The following PPARGC1A variants were observed in gnomAD, a reference collection of about 807,000 sequenced individuals.
PPARGC1A encodes PPARG coactivator 1 alpha.
In PPARGC1A, 25 loss-of-function variants were observed where a neutral mutation model predicts 88.7. That is an observed-to-expected ratio of 0.28 (90% CI 0.21 to 0.39). PPARGC1A has a LOEUF of 0.39. PPARGC1A is among the 10% of genes least tolerant of loss of function. The pLI, the probability that PPARGC1A is intolerant of heterozygous loss-of-function variation, is 1.00. For missense variants in PPARGC1A, 880 were observed against 968.7 expected (o/e 0.91, Z 1.22); for synonymous variants, 363 against 355.6 (o/e 1.02, Z -0.24).
the PPARGC1A span, among the ~76,000 whole-genome samples, chr4:24,227,518 A>T: frequency 6.6e-6 from 1 of 152,262 alleles, no homozygotes; most frequent in Admixed American, 6.5e-5. Context: ...GCAGGTGGTC[A>T]GAAATTAAAT....
the PPARGC1A span, among the ~76,000 whole-genome samples, chr4:24,049,294 ATATATATATGTGTG>A: frequency 3.6e-5 from 2 of 55,928 alleles, no homozygotes; most frequent in African/African-American, 8.4e-5. Flanking sequence ...ATATGTGTGT[ATATATATATGTGTG>A]TATATATATA....
the PPARGC1A span, among the ~76,000 whole-genome samples, chr4:24,184,897 A>G: frequency 6.6e-6 from 1 of 152,178 alleles, no homozygotes; most frequent in South Asian, 2.1e-4. Context: ...AAAATAGACA[A>G]AAGAAGTCAG....
the PPARGC1A span, among the ~76,000 whole-genome samples, chr4:24,168,034 C>T: frequency 6.6e-6 from 1 of 152,156 alleles, no homozygotes; most frequent in Non-Finnish European, 1.5e-5. Flanking sequence ...AGATTACAGG[C>T]ATGAGCCACC....
chr4:23,869,543 A>C (rs1712813361), intron 2 of PPARGC1A, among the ~76,000 whole-genome samples: 1 of 152,160 alleles, frequency 6.6e-6, no homozygotes, highest in Admixed American at 6.5e-5. Context: ...AATTAGATTT[A>C]GGAAGCCCAG....
chr4:24,061,870 C>G, the PPARGC1A span, among the ~76,000 whole-genome samples: 20 of 152,270 alleles, frequency 1.3e-4, no homozygotes, highest in Non-Finnish European at 1.0e-4. Context: ...AGCCAGCTGC[C>G]CAGATCTTGA....
the PPARGC1A span, among the ~76,000 whole-genome samples, chr4:24,430,411 C>T: frequency 1.3e-5 from 2 of 151,842 alleles, no homozygotes; most frequent in African/African-American, 2.4e-5. Flanking sequence ...GCGCCCGCCA[C>T]CACGCCCGGC....
At chr4:24,317,555 T>TAAAAAAAAAAAAA in the PPARGC1A span, among the ~76,000 whole-genome samples, 32 of 22,220 alleles carry the variant, frequency 1.4e-3, 11 homozygotes, top group Non-Finnish European at 3.0e-3. Context: ...TTCAGAGGAC[T>TAAAAAAAAAAAAA]AAAAAAAAAA....
At chr4:23,860,997 C>A (rs1012354479) in intron 2 of PPARGC1A, among the ~76,000 whole-genome samples, 1 of 152,160 alleles carries the variant, frequency 6.6e-6, no homozygotes, top group Non-Finnish European at 1.5e-5. Context: ...ATCCAATCAG[C>A]AGTACAGCTG....
At chr4:24,385,575 A>T in the PPARGC1A span, among the ~76,000 whole-genome samples, 1 of 152,220 alleles carries the variant, frequency 6.6e-6, no homozygotes, top group Non-Finnish European at 1.5e-5. Context: ...CACTGATCCC[A>T]CAGAAATACA....
chr4:24,374,596 T>C, the PPARGC1A span, among the ~76,000 whole-genome samples: 1 of 150,562 alleles, frequency 6.6e-6, no homozygotes, highest in African/African-American at 2.4e-5. Context: ...TGAAGAGACA[T>C]TTCTCTAAAT....
At chr4:24,317,554 C>CAAAAAA in the PPARGC1A span, among the ~76,000 whole-genome samples, 3 of 14,252 alleles carry the variant, frequency 2.1e-4, no homozygotes, top group Admixed American at 1.3e-3. Flanking sequence ...GTTCAGAGGA[C>CAAAAAA]TAAAAAAAAA....
chr4:24,383,271 A>C, the PPARGC1A span, among the ~76,000 whole-genome samples: 1 of 152,206 alleles, frequency 6.6e-6, no homozygotes, highest in African/African-American at 2.4e-5. Context: ...GTGAGGAAAA[A>C]CCAGCACAAA....
At chr4:24,321,117 T>C in the PPARGC1A span, among the ~76,000 whole-genome samples, 1 of 152,216 alleles carries the variant, frequency 6.6e-6, no homozygotes, top group Non-Finnish European at 1.5e-5. Context: ...TAAGTCATCC[T>C]GTAAAGCTTC....
rs868582523 is a variant in PPARGC1A at position 23,815,980 on chromosome 4, C to T, written c.878-1375G>A. 4.4e-4 allele frequency among the ~76,000 whole-genome samples: 67 copies of T among 152,254 alleles called. No individual in the cohort carries two copies. The Middle Eastern group carries it at 0.014, about 31-fold the overall frequency. On this transcript the variant is annotated intron_variant, in intron 7 of 12. Coordinates refer to ENST00000264867, the MANE Select transcript of PPARGC1A (RefSeq NM_013261.5). ...AAGCCACATGAGATTTTGATATGAA[C>T]AGGAAGATGCTGCCTCACTCTCCTA...
At chr4:24,217,223 C>G in the PPARGC1A span, among the ~76,000 whole-genome samples, 2 of 152,222 alleles carry the variant, frequency 1.3e-5, no homozygotes, top group African/African-American at 4.8e-5. Context: ...GAAGAAACAA[C>G]AGATCATGAA....
chr4:24,437,594 TTTGTTGTTG>T, the PPARGC1A span, among the ~76,000 whole-genome samples: 16,492 of 143,772 alleles, frequency 0.11, 1,068 homozygotes, highest in Non-Finnish European at 0.15. Flanking sequence ...GCACAGGTTT[TTTGTTGTTG>T]TTGTTGTTGT....
chr4:24,216,075 C>A, the PPARGC1A span, among the ~76,000 whole-genome samples: 1 of 151,818 alleles, frequency 6.6e-6, no homozygotes, highest in Non-Finnish European at 1.5e-5. Context: ...ATTTATCCAG[C>A]CTGATCAGAC....
the PPARGC1A span, among the ~76,000 whole-genome samples, chr4:24,049,769 C>G: frequency 6.6e-6 from 1 of 152,154 alleles, no homozygotes; most frequent in African/African-American, 2.4e-5. Context: ...TCCCCAAATT[C>G]AGAACAGCCC....
chr4:24,262,963 G>A, the PPARGC1A span, among the ~76,000 whole-genome samples: 1 of 152,130 alleles, frequency 6.6e-6, no homozygotes, highest in Non-Finnish European at 1.5e-5. Context: ...TTCAATATCT[G>A]CTACACTGGA....
Sources: allele counts gnomAD v4.1 joint callset (sites outside exome capture counted in the v4.1 genomes callset), GRCh38; gene constraint gnomAD v4.1.1; transcripts MANE v1.5; gene names NCBI Gene and HGNC (gene_info 2026-07-23, HGNC 2026-07-21).